The following EFCAB13 variants were observed in gnomAD, a reference collection of about 807,000 sequenced individuals.
EFCAB13 encodes the protein EF-hand calcium-binding domain-containing protein 13.
A neutral mutation model predicts 110.2 loss-of-function variants in EFCAB13; 91 were observed. The observed-to-expected ratio is 0.83, with a 90% confidence interval of 0.70 to 0.98. The LOEUF (loss-of-function observed/expected upper bound fraction) is 0.98, where lower values mean the gene tolerates loss of function less well. EFCAB13 is among the 50% of genes least tolerant of loss of function. EFCAB13 has a pLI of 0.00. For missense variants in EFCAB13, 968 were observed against 1,119.4 expected, an observed-to-expected ratio of 0.86 and a Z score of 1.93; for synonymous variants, 323 against 369.9, an observed-to-expected ratio of 0.87 and a Z score of 1.45.
intron 9 of EFCAB13, among the ~76,000 whole-genome samples, chr17:47,354,887 G>A (rs1239512528): frequency 1.1e-4 from 16 of 152,152 alleles, no homozygotes. Context: ...GTGTTGAGAT[G>A]TGAGGTACTA....
intron 15 of EFCAB13, among the ~76,000 whole-genome samples, chr17:47,391,970 A>G (rs1162160178): frequency 6.6e-6 from 1 of 152,204 alleles, no homozygotes; most frequent in African/African-American, 2.4e-5. Context: ...CCTACAATTC[A>G]CAATAAAGTT....
intron 13 of EFCAB13, among the ~76,000 whole-genome samples, chr17:47,378,913 A>G (rs533062225): frequency 6.6e-6 from 1 of 151,882 alleles, no homozygotes; most frequent in Non-Finnish European, 1.5e-5. Flanking sequence ...AGTCCTTTGC[A>G]TGTAATAGAT....
At chr17:47,421,050 A>T (rs1251350214) in intron 23 of EFCAB13, among the ~76,000 whole-genome samples, 1 of 136,456 alleles carries the variant, frequency 7.3e-6, no homozygotes, top group African/African-American at 2.8e-5. Flanking sequence ...CCGGCCAGCC[A>T]CCCCGCCCGG....
intron 20 of EFCAB13, among the ~76,000 whole-genome samples, chr17:47,405,281 C>A (rs2065799481): frequency 6.6e-6 from 1 of 152,114 alleles, no homozygotes; most frequent in African/African-American, 2.4e-5. Flanking sequence ...GTACATATAT[C>A]TTTGTGCACG....
At position 47,440,514 on chromosome 17, in the gene EFCAB13, T is replaced by C. The variant is rs766672613; in HGVS notation, c.2722T>C (p.Leu908=). 6.2e-7 allele frequency: 1 copy of C among 1,612,350 alleles called. No individual in the cohort carries two copies. The change falls in exon 25 of 25, where the codon TTA becomes CTA. Residue 908 remains leucine, a synonymous_variant. Transcript: ENST00000331493. ...TCCTAAAGCTGCAGGTAAGTTTTAT[T>C]TAATATGTACTTATTGCCCAGATCT... ...TIPKAAGKFY[L]ICTYCPDLER...
intron 5 of EFCAB13, among the ~76,000 whole-genome samples, chr17:47,339,609 A>G (rs2065371966): frequency 1.4e-5 from 2 of 145,330 alleles, no homozygotes; most frequent in African/African-American, 2.6e-5. Context: ...GAGTTTGGGG[A>G]CCCCTGGTTT....
rs995384967 is a variant in EFCAB13 at position 47,419,977 on chromosome 17, ACGGTCT to A, written c.2494+5060_2494+5065del. Among the ~76,000 whole-genome samples, 10 of 148,058 alleles carry A rather than the reference ACGGTCT, an allele frequency of 6.8e-5. No individual in the cohort carries two copies. The East Asian group carries it at 7.8e-4, about 12-fold the overall frequency. On this transcript the variant is annotated intron_variant, in intron 23 of 24. Coordinates refer to ENST00000331493, the MANE Select transcript of EFCAB13 (RefSeq NM_152347.5). ...ACGGTCTCCCTCTCCCTCTCTTTCC[ACGGTCT>A]CCCTCTGATGCCGAGCGGAAGCTGG... is the stretch of plus-strand genomic sequence containing the variant.
intron 9 of EFCAB13, among the ~76,000 whole-genome samples, chr17:47,350,097 A>G (rs1325482543): frequency 6.6e-6 from 1 of 152,074 alleles, no homozygotes; most frequent in Non-Finnish European, 1.5e-5. Context: ...TTGGTCTCTC[A>G]GAATCCAGGT....
At chr17:47,425,989 A>C (rs1312274740) in intron 23 of EFCAB13, among the ~76,000 whole-genome samples, 1 of 152,232 alleles carries the variant, frequency 6.6e-6, no homozygotes, top group South Asian at 2.1e-4. Context: ...AACAAACTGC[A>C]TGACCTTTAT....
intron 24 of EFCAB13, among the ~76,000 whole-genome samples, chr17:47,432,838 A>T (rs941942344): frequency 6.6e-6 from 1 of 152,070 alleles, no homozygotes; most frequent in African/African-American, 2.4e-5. Context: ...AAAATGTTTT[A>T]TTTGAAGTGT....
chr17:47,356,496 G>A (rs185854026), intron 9 of EFCAB13, among the ~76,000 whole-genome samples: 1 of 152,264 alleles, frequency 6.6e-6, no homozygotes, highest in Admixed American at 6.5e-5. Flanking sequence ...TTTCTCTTTT[G>A]GATCTAGCCA....
intron 23 of EFCAB13, among the ~76,000 whole-genome samples, 181 bp from the exon 24 acceptor site, chr17:47,429,637 G>A (rs549012018): frequency 6.6e-6 from 1 of 152,302 alleles, no homozygotes; most frequent in East Asian, 1.9e-4. Context: ...CACTTAGCAA[G>A]TGCCCTGTGA....
intron 10 of EFCAB13, among the ~76,000 whole-genome samples, chr17:47,367,553 A>T (rs2065554798): frequency 6.6e-6 from 1 of 152,180 alleles, no homozygotes; most frequent in African/African-American, 2.4e-5. Flanking sequence ...TTGTAGATAC[A>T]TGCATTGCAC....
intron 9 of EFCAB13, among the ~76,000 whole-genome samples, chr17:47,353,819 G>T (rs187408028): frequency 1.2e-4 from 18 of 152,076 alleles, no homozygotes; most frequent in Admixed American, 8.5e-4. Flanking sequence ...GATTTTCCTG[G>T]TTCTCTTTTA....
intron 23 of EFCAB13, among the ~76,000 whole-genome samples, chr17:47,424,147 T>TCGG (rs1257238635): frequency 2.6e-5 from 4 of 152,076 alleles, no homozygotes; most frequent in African/African-American, 4.8e-5. Context: ...CACGGGCTGC[T>TCGG]CGGCGCCGCC....
chr17:47,396,201 A>G (rs2065737271), intron 17 of EFCAB13, among the ~76,000 whole-genome samples: 1 of 152,210 alleles, frequency 6.6e-6, no homozygotes, highest in Non-Finnish European at 1.5e-5. Flanking sequence ...AATTGATCAA[A>G]TATGCATTGA....
chr17:47,366,366 TG>T (rs1244151254), intron 10 of EFCAB13, among the ~76,000 whole-genome samples: 10 of 150,500 alleles, frequency 6.6e-5, no homozygotes, highest in Non-Finnish European at 1.5e-4. Context: ...TTGAACTGGG[TG>T]GGAAGTTGTG....
chr17:47,342,924 T>G (rs533979307), intron 6 of EFCAB13, among the ~76,000 whole-genome samples: 1 of 152,322 alleles, frequency 6.6e-6, no homozygotes, highest in East Asian at 1.9e-4. Context: ...TCTGAGATTT[T>G]AATTTCAGTG....
chr17:47,425,966 A>G (rs1904939721), intron 23 of EFCAB13, among the ~76,000 whole-genome samples: 1 of 152,240 alleles, frequency 6.6e-6, no homozygotes, highest in African/African-American at 2.4e-5. Context: ...TATCAAAGCT[A>G]TTAACATAAT....
Sources: gnomAD v4.1 joint callset for allele counts (sites outside exome capture counted in the v4.1 genomes callset) on GRCh38, gnomAD v4.1.1 for gene constraint, MANE v1.5 for transcripts, NCBI Gene and HGNC (gene_info 2026-07-23, HGNC 2026-07-21) for gene names.